The following NCALD variants were observed in gnomAD, a reference collection of about 807,000 sequenced individuals.
NCALD encodes neurocalcin-delta.
NCALD carries 10 observed loss-of-function variants against 18.6 expected under a neutral mutation model. That is an observed-to-expected ratio of 0.54 (90% CI 0.33 to 0.91). The LOEUF (loss-of-function observed/expected upper bound fraction) is 0.91. Ranked by LOEUF, NCALD falls within the 40% of genes least tolerant of loss-of-function variation. The pLI is 0.03. For synonymous variants in NCALD, 88 were observed against 87.4 expected (o/e 1.01, Z -0.04); for missense variants, 184 against 247.6 (o/e 0.74, Z 1.72).
At chr8:101,783,133 CAT>C (rs536439920) in intron 1 of NCALD, among the ~76,000 whole-genome samples, 4 of 152,158 alleles carry the variant, frequency 2.6e-5, no homozygotes, top group Non-Finnish European at 5.9e-5. Context: ...GGAATATTTT[CAT>C]AGGCACTTAA....
At chr8:101,860,500 C>T (rs1428549176) in intron 4 of NCALD, among the ~76,000 whole-genome samples, 1 of 152,134 alleles carries the variant, frequency 6.6e-6, no homozygotes, top group African/African-American at 2.4e-5. Context: ...AATGTTGACC[C>T]TTACTGAGAA....
intron 2 of NCALD, among the ~76,000 whole-genome samples, chr8:101,990,537 T>C (rs1820999868): frequency 6.6e-6 from 1 of 152,076 alleles, no homozygotes; most frequent in Non-Finnish European, 1.5e-5. Flanking sequence ...ATCATGGGGG[T>C]GTGTCTTTCC....
intron 1 of NCALD, among the ~76,000 whole-genome samples, chr8:101,779,560 GCAAA>G (rs1373586229): frequency 1.3e-5 from 2 of 152,148 alleles, no homozygotes; most frequent in Non-Finnish European, 2.9e-5. Context: ...GGTATTAGAA[GCAAA>G]CAAAGTTAAG....
chr8:101,889,434 C>T lies in NCALD; in HGVS notation c.-106-2207G>A, dbSNP rs556359309. ...AACACAAGCCTTTCGACTCCCTGTC[C>T]GGTGATATTTCCAATAAATTGCATT... On this transcript the variant is annotated intron_variant, in intron 3 of 6. Transcript: ENST00000311028. Among the ~76,000 whole-genome samples the T allele has an allele frequency of 4.3e-4, 66 of 152,256 alleles. 1 individual carries two copies. In the South Asian group the frequency reaches 8.1e-3, roughly 19 times the overall value.
intron 1 of NCALD, among the ~76,000 whole-genome samples, chr8:101,783,222 A>C (rs1341007790): frequency 6.6e-6 from 1 of 152,202 alleles, no homozygotes; most frequent in Non-Finnish European, 1.5e-5. Context: ...GAAGAGGAGT[A>C]GACTATTAGG....
At chr8:101,992,574 A>C (rs1052908269) in intron 2 of NCALD, among the ~76,000 whole-genome samples, 1 of 152,186 alleles carries the variant, frequency 6.6e-6, no homozygotes, top group Non-Finnish European at 1.5e-5. Flanking sequence ...CAGCTGGCTA[A>C]ACTTGAGCAA....
intron 2 of NCALD, among the ~76,000 whole-genome samples, chr8:101,954,938 A>C (rs1819566220): frequency 6.6e-6 from 1 of 152,102 alleles, no homozygotes; most frequent in Non-Finnish European, 1.5e-5. Context: ...ATCCTCTCTG[A>C]GCCTCAGTTA....
In NCALD at chr8:101,765,403, G is replaced by A. The variant is rs575313975; in HGVS notation, c.-20+25459C>T. ...AAGGCTCATCACTATCCTTGGCAAT[G>A]AGAACTACTGGGGTCTCCGGCTATT... is the stretch of plus-strand genomic sequence containing the variant. On this transcript the variant is annotated intron_variant, in intron 1 of 3. Transcript: ENST00000220931. Among the ~76,000 whole-genome samples, 92 of 152,292 alleles carry A rather than the reference G, an allele frequency of 6.0e-4. 1 individual carries two copies. The South Asian group carries it at 0.019, about 31-fold the overall frequency.
chr8:102,054,644 C>T (rs1033349138), intron 1 of NCALD, among the ~76,000 whole-genome samples: 1 of 149,980 alleles, frequency 6.7e-6, no homozygotes, highest in African/African-American at 2.5e-5. Flanking sequence ...TCTGATATGT[C>T]TCTCTCTTTC....
chr8:101,871,996 C>A, intron 4 of NCALD: 1 of 894,432 alleles, frequency 1.1e-6, no homozygotes, highest in Non-Finnish European at 1.9e-6. Flanking sequence ...GTTCATGCCG[C>A]CAAACACCAG....
chr8:102,105,066 G>C (rs1217398878), intron 1 of NCALD, among the ~76,000 whole-genome samples: 1 of 152,200 alleles, frequency 6.6e-6, no homozygotes, highest in East Asian at 1.9e-4. Flanking sequence ...ACAGAGCCAA[G>C]AGATAGATTT....
chr8:101,991,602 G>T (rs192214276), intron 2 of NCALD, among the ~76,000 whole-genome samples: 1 of 152,276 alleles, frequency 6.6e-6, no homozygotes, highest in East Asian at 1.9e-4. Context: ...TTCGGGAAGG[G>T]CTGGGGGTCA....
intron 1 of NCALD, among the ~76,000 whole-genome samples, chr8:101,756,302 T>A (rs571594600): frequency 1.1e-4 from 17 of 152,286 alleles, no homozygotes; most frequent in Admixed American, 9.2e-4. Flanking sequence ...AGGACTTCAC[T>A]CAGCACAACT....
At chr8:102,066,465 C>T (rs1824012234) in intron 1 of NCALD, among the ~76,000 whole-genome samples, 3 of 152,124 alleles carry the variant, frequency 2.0e-5, no homozygotes, top group Non-Finnish European at 2.9e-5. Flanking sequence ...GTGAGTGGCA[C>T]GGTGCTGGGC....
intron 2 of NCALD, among the ~76,000 whole-genome samples, chr8:101,917,009 C>G (rs1186680579): frequency 4.6e-5 from 7 of 152,066 alleles, no homozygotes; most frequent in Non-Finnish European, 8.8e-5. Context: ...TAACAGACAT[C>G]TATAGAATAC....
chr8:101,840,280 C>T (rs1356690939), intron 4 of NCALD, among the ~76,000 whole-genome samples: 2 of 152,234 alleles, frequency 1.3e-5, no homozygotes, highest in East Asian at 1.9e-4. Flanking sequence ...TGTATGTGCA[C>T]ACACAGGAGC....
intron 2 of NCALD, among the ~76,000 whole-genome samples, chr8:101,709,173 A>T (rs545742064): frequency 6.6e-6 from 1 of 152,368 alleles, no homozygotes; most frequent in East Asian, 1.9e-4. Flanking sequence ...CCGCTAGAGG[A>T]TTCCACTGGT....
intron 4 of NCALD, among the ~76,000 whole-genome samples, chr8:101,880,689 A>C (rs1212577318): frequency 6.6e-6 from 1 of 152,094 alleles, no homozygotes; most frequent in Non-Finnish European, 1.5e-5. Flanking sequence ...AGCATTATAC[A>C]AAAAAAAGAA....
At chr8:101,811,931 G>C (rs753402872) in intron 4 of NCALD, among the ~76,000 whole-genome samples, 6 of 152,196 alleles carry the variant, frequency 3.9e-5, no homozygotes, top group Non-Finnish European at 8.8e-5. Context: ...CTAAACACAA[G>C]CAAGAAAAGA....
Sources: allele counts gnomAD v4.1 joint callset (sites outside exome capture counted in the v4.1 genomes callset), GRCh38; gene constraint gnomAD v4.1.1; transcripts MANE v1.5; gene names NCBI Gene and HGNC (gene_info 2026-07-23, HGNC 2026-07-21).